SRRM2: variants seen among roughly 807,000 people sequenced by gnomAD.
SRRM2 encodes the protein serine/arginine repetitive matrix protein 2.
A neutral mutation model predicts 213.8 loss-of-function variants in SRRM2; 30 were observed. The ratio of observed to expected loss-of-function variants is 0.14; its 90% CI spans 0.10 to 0.19. SRRM2 has a LOEUF of 0.19. Ranked by LOEUF, SRRM2 falls within the 10% of genes least tolerant of loss-of-function variation. The pLI, the probability that SRRM2 is intolerant of heterozygous loss-of-function variation, is 1.00. For missense variants in SRRM2, 4,904 were observed against 3,647.0 expected, an observed-to-expected ratio of 1.34 and a Z score of -8.88; for synonymous variants, 2,025 against 1,377.7, an observed-to-expected ratio of 1.47 and a Z score of -10.40.
chr16:2,769,031 G>A lies in SRRM2; in HGVS notation c.7768G>A (p.Val2590Ile), dbSNP rs2150780525. 3 of 1,614,090 alleles carry A rather than the reference G, an allele frequency of 1.9e-6. No individual in the cohort carries two copies. Among genetic ancestry groups the A allele is most frequent in the South Asian group, 1.1e-5 (1 of 91,086 alleles). ...PSPTPAPKEA[V>I]REGRPPEPTP... ...CCCCACCCCAGCCCCAAAGGAGGCT[G>A]TTCGAGAGGGACGTCCTCCGGAGCC... The change falls in exon 12 of 15, where the codon GTT (valine) becomes ATT (isoleucine). Residue 2590 changes from valine to isoleucine, a missense_variant. Val to Ile is a conservative substitution (Grantham distance 29). Coordinates refer to ENST00000301740, the MANE Select transcript of SRRM2 (RefSeq NM_016333.4).
Position 2,771,236 on chromosome 16 carries a change from A to T in SRRM2, c.*369A>T, listed in dbSNP as rs1388728651. 2.9e-6 allele frequency: 2 copies of T among 700,468 alleles called. No homozygotes were observed. The highest frequency in any genetic ancestry group is 1.8e-5 in the African/African-American group (1 of 56,146). The allele number at this position is 700,468 out of a possible 1,614,324, so 43.4% of individuals were successfully genotyped here. A position where few individuals can be genotyped will look rare whatever the true frequency, so the allele number is the denominator to read the frequency against. ...GATGGTGGTTGGGACTGGAGGTTGT[A>T]TAAGGTGTTCTTGGAAGGAAGGGGC... On this transcript the variant is annotated 3_prime_UTR_variant, in exon 15 of 15. Coordinates refer to ENST00000301740, the MANE Select transcript of SRRM2 (RefSeq NM_016333.4).
At position 2,765,407 on chromosome 16, in the gene SRRM2, C is replaced by G. The variant is rs764747006; in HGVS notation, c.4879C>G (p.Pro1627Ala). The stretch of plus-strand genomic sequence containing the variant: ...TGATTCCTCTCCTGAACCTAAAGCT[C>G]CAGCCCCTCGGGCCCTTCCCAGACG... ...GSDSSPEPKA[P>A]APRALPRRSR... The change falls in exon 11 of 15, where the codon CCA (proline) becomes GCA (alanine). Residue 1627 changes from proline (P) to alanine (A), a missense_variant. Physicochemically the swap from Pro to Ala is conservative, Grantham distance 27. Coordinates refer to ENST00000301740, the MANE Select transcript of SRRM2 (RefSeq NM_016333.4). 1 of 1,614,058 alleles carries G rather than the reference C, an allele frequency of 6.2e-7. No homozygotes were observed. Among genetic ancestry groups the G allele is most frequent in the African/African-American group, 1.3e-5 (1 of 74,906 alleles).
Position 2,765,642 on chromosome 16 carries a change from G to C in SRRM2, c.5114G>C (p.Arg1705Pro). 6.2e-7 allele frequency: 1 copy of C among 1,614,060 alleles called. No individual in the cohort carries two copies. Among genetic ancestry groups the C allele is most frequent in the South Asian group, 1.1e-5 (1 of 91,070 alleles). ...CTAACAAGGAAGGCCAGACTGTCCC[G>C]TAGAAGCCGCTCTGCCTCATCCTCA... is the stretch of plus-strand genomic sequence containing the variant. The part of the protein sequence containing the change: ...PELTRKARLS[R>P]RSRSASSSPE... Residue 1705 changes from arginine (R) to proline (P), a missense_variant, in exon 11 of 15, where the codon CGT becomes CCT. Transcript: ENST00000301740.
chr16:2,758,758 C>A, intron 5 of SRRM2: 1 of 673,118 alleles, frequency 1.5e-6, no homozygotes, highest in African/African-American at 1.8e-5. Context: ...GATTGGCCAG[C>A]AGCATTTTGG....
Position 2,762,657 on chromosome 16 carries a change from G to A in SRRM2, c.2129G>A (p.Arg710His), listed in dbSNP as rs763628582. 1.7e-5 allele frequency: 27 copies of A among 1,614,024 alleles called. No individual in the cohort carries two copies. Among genetic ancestry groups the A allele is most frequent in the Admixed American group, 1.0e-4 (6 of 60,008 alleles). The change falls in exon 11 of 15, where the codon CGT becomes CAT. Residue 710 changes from arginine to histidine, a missense_variant. Transcript: ENST00000301740. Reference protein sequence around the residue: ...GRSRSRSLVRRGRSHSRTPQR... With the variant: ...GRSRSRSLVRHGRSHSRTPQR... Reference sequence around the variant, plus strand: ...TCCCGCAGTAGAAGCTTAGTTAGACGTGGAAGATCTCACTCTAGAACACCT... The same window carrying A: ...TCCCGCAGTAGAAGCTTAGTTAGACATGGAAGATCTCACTCTAGAACACCT...
chr16:2,753,705 C>G (rs2068030567), intron 1 of SRRM2: 1 of 152,312 alleles, frequency 6.6e-6, no homozygotes, highest in South Asian at 2.1e-4. Flanking sequence ...CACTCGGCTT[C>G]AGTTAGGACG....
chr16:2,769,341 A>G, intron 12 of SRRM2, 57 bp downstream of exon 12: 3 of 1,517,200 alleles, frequency 2.0e-6, no homozygotes, highest in Non-Finnish European at 2.6e-6. Context: ...TGTCCAGAGA[A>G]GGGGCCCTGG....
Position 2,762,984 on chromosome 16 carries a change from C to T in SRRM2, c.2456C>T (p.Ser819Phe), listed in dbSNP as rs1165826710. Residue 819 changes from serine (S) to phenylalanine (F), a missense_variant, in exon 11 of 15, where the codon TCT (serine) becomes TTT (phenylalanine). Coordinates refer to ENST00000301740, the MANE Select transcript of SRRM2 (RefSeq NM_016333.4). ...RTPPRRSRSS[S>F]SPPPKQKSKT... is the part of the protein sequence containing the mutation. ...CCACCCAGACGCAGTCGCTCCAGTT[C>T]TTCTCCGCCACCTAAACAGAAATCT... 1.8e-5 allele frequency: 29 copies of T among 1,614,004 alleles called. No individual in the cohort carries two copies. Among genetic ancestry groups the T allele is most frequent in the Non-Finnish European group, 2.5e-5 (29 of 1,180,028 alleles).
chr16:2,765,231 A>G lies in SRRM2; in HGVS notation c.4703A>G (p.Lys1568Arg). ...GACTCTTCTCCAGATTCTAAAGCCAAGACAAGAACCCCACTTCGGCAGAGG... is the reference window on the plus strand; with the variant it reads ...GACTCTTCTCCAGATTCTAAAGCCAGGACAAGAACCCCACTTCGGCAGAGG... The part of the protein sequence containing the change: ...ESDSSPDSKA[K>R]TRTPLRQRSR... The change falls in exon 11 of 15, where the codon AAG (lysine) becomes AGG (arginine). Residue 1568 changes from lysine to arginine, a missense_variant. Transcript: ENST00000301740. The G allele has an allele frequency of 6.2e-7, 1 of 1,614,100 alleles. No homozygotes were observed.
rs752717524 is a variant in SRRM2 at position 2,770,364 on chromosome 16, C to T, written c.8034C>T (p.Pro2678=). ...PPPGERRSRS[P]RKPIDSLRDS... is the part of the protein sequence containing the mutation. ...CTGTGTTCCCCAGGTCCCGCAGCCC[C>T]CGGAAGCCAATAGACTCCCTCAGGG... The change falls in exon 13 of 15, where the codon CCC becomes CCT. Residue 2678 remains proline, a synonymous_variant. Transcript: ENST00000301740. 6.2e-7 allele frequency: 1 copy of T among 1,601,574 alleles called. No individual in the cohort carries two copies. The highest frequency in any genetic ancestry group is 8.5e-7 in the Non-Finnish European group (1 of 1,174,116).
Position 2,764,813 on chromosome 16 carries a change from G to A in SRRM2, c.4285G>A (p.Asp1429Asn), listed in dbSNP as rs778833157. 1.2e-6 allele frequency: 2 copies of A among 1,614,188 alleles called. No individual in the cohort carries two copies. Among genetic ancestry groups the A allele is most frequent in the East Asian group, 4.5e-5 (2 of 44,884 alleles). Residue 1429 changes from aspartate (D) to asparagine (N), a missense_variant, in exon 11 of 15, where the codon GAT (aspartate) becomes AAT (asparagine). Coordinates refer to ENST00000301740, the MANE Select transcript of SRRM2 (RefSeq NM_016333.4). Reference protein sequence around the residue: ...SSSASSPEMKDGLPRTPSRRS... With the variant: ...SSSASSPEMKNGLPRTPSRRS... The stretch of plus-strand genomic sequence containing the variant: ...TTCTGCATCTTCTCCTGAAATGAAA[G>A]ATGGTTTACCCAGAACTCCATCAAG...
At chr16:2,759,965 C>A (rs960203183) in intron 9 of SRRM2, 1 of 532,820 alleles carries the variant, frequency 1.9e-6, no homozygotes, top group African/African-American at 1.9e-5. Flanking sequence ...CTTACCCTGG[C>A]TTCCTTAATC....
chr16:2,764,366 G>T lies in SRRM2; in HGVS notation c.3838G>T (p.Val1280Leu). 6.2e-7 allele frequency: 1 copy of T among 1,614,172 alleles called. No homozygotes were observed. Among genetic ancestry groups the T allele is most frequent in the East Asian group, 2.2e-5 (1 of 44,886 alleles). Residue 1280 changes from valine (V) to leucine (L), a missense_variant, in exon 11 of 15, where the codon GTG (valine) becomes TTG (leucine). Coordinates refer to ENST00000301740, the MANE Select transcript of SRRM2 (RefSeq NM_016333.4). ...SSPEVEERPA[V>L]SLTLDQSQSQ... ...TCCTGAAGTAGAAGAAAGGCCTGCT[G>T]TGTCTTTGACTCTTGATCAGAGCCA...
rs1567227439 is a variant in SRRM2 at position 2,761,841 on chromosome 16, C to T, written c.1313C>T (p.Pro438Leu). The T allele has an allele frequency of 3.7e-6, 6 of 1,613,418 alleles. No individual in the cohort carries two copies. Among genetic ancestry groups the T allele is most frequent in the Non-Finnish European group, 4.2e-6 (5 of 1,180,026 alleles). ...TKVSRHASSS[P>L]ESPKPAPAPG... ...GTTTCTCGGCATGCCAGCTCTTCCC[C>T]AGAAAGTCCTAAACCTGCTCCAGCT... The change falls in exon 11 of 15, where the codon CCA (proline) becomes CTA (leucine). Residue 438 changes from proline to leucine, a missense_variant. Pro to Leu is a moderately conservative substitution (Grantham distance 98). Transcript: ENST00000301740.
rs753511984 is a variant in SRRM2 at position 2,762,068 on chromosome 16, C to T, written c.1540C>T (p.Arg514Cys). 1.9e-5 allele frequency: 31 copies of T among 1,614,100 alleles called. No homozygotes were observed. Among genetic ancestry groups the T allele is most frequent in the Non-Finnish European group, 2.4e-5 (28 of 1,180,046 alleles). ...TTCTCGATCCCGATCTCCCCAGTGG[C>T]GTAGGTCCAGGTCTGCACAGAGGTG... ...GHSRSRSPQW[R>C]RSRSAQRWGR... Residue 514 changes from arginine to cysteine, a missense_variant, in exon 11 of 15, where the codon CGT becomes TGT. Transcript: ENST00000301740.
rs1207864788 is a variant in SRRM2, at chr16:2,762,189, C to A, written c.1661C>A (p.Ser554Tyr). Residue 554 changes from serine to tyrosine, a missense_variant, in exon 11 of 15, where the codon TCT becomes TAT. Transcript: ENST00000301740. The stretch of plus-strand genomic sequence containing the variant: ...AGAAATACCCAGAGAAGAGGCAGGT[C>A]TAGGTCAGCAAGGCGAGGGAGGTCC... ...RSRNTQRRGR[S>Y]RSARRGRSHS... The A allele has an allele frequency of 1.2e-6, 2 of 1,614,012 alleles. No homozygotes were observed. The highest frequency in any genetic ancestry group is 2.2e-5 in the South Asian group (2 of 91,080).
chr16:2,766,456 T>C lies in SRRM2; in HGVS notation c.5928T>C (p.Pro1976=). The change falls in exon 11 of 15, where the codon CCT becomes CCC. Residue 1976 remains proline, a synonymous_variant. Coordinates refer to ENST00000301740, the MANE Select transcript of SRRM2 (RefSeq NM_016333.4). This position sits in a 1 kb window ranked among gnomAD's most constrained non-coding sequence, Gnocchi z 7.0. Reference sequence around the variant, plus strand: ...GGCGATCTCGAAGCAGAACTTCGCCTATCACTCGCAGAAGATCAAGATCCA... The same window carrying C: ...GGCGATCTCGAAGCAGAACTTCGCCCATCACTCGCAGAAGATCAAGATCCA... The part of the protein sequence containing the change: ...TRRRSRSRTS[P]ITRRRSRSRT... 6.2e-7 allele frequency: 1 copy of C among 1,614,052 alleles called. No homozygotes were observed. The highest frequency in any genetic ancestry group is 8.5e-7 in the Non-Finnish European group (1 of 1,180,004).
chr16:2,766,363 C>T lies in SRRM2; in HGVS notation c.5835C>T (p.Arg1945=), dbSNP rs765842447. ...CTAGAACGCCAACAACACGCCGCCG[C>T]TCCCGTTCTAGAACTCCACCAGTGA... ...SRSRTPTTRR[R]SRSRTPPVTR... is the part of the protein sequence containing the mutation. Residue 1945 remains arginine (R), a synonymous_variant, in exon 11 of 15, where the codon CGC becomes CGT. Transcript: ENST00000301740. The surrounding 1 kb of genome is among the most constrained non-coding windows in gnomAD (Gnocchi z 7.0). 1.2e-5 allele frequency: 20 copies of T among 1,614,104 alleles called. No individual in the cohort carries two copies. In the East Asian group the frequency reaches 1.8e-4, roughly 14 times the overall value.
At position 2,758,544 on chromosome 16, in the gene SRRM2, G is replaced by C. The variant is rs767289765; in HGVS notation, c.590G>C (p.Gly197Ala). Residue 197 changes from glycine (G) to alanine (A), a missense_variant, in exon 5 of 15, where the codon GGA (glycine) becomes GCA (alanine). By Grantham distance (60) the Gly-to-Ala change is moderately conservative. Transcript: ENST00000301740. ...AAGAAGAAAAAGAAGAAAGATAGAG[G>C]ACGGTAAGTTAGTTGGAAAGTGACT... ...QKKKKKKKDR[G>A]RRSESSSPRR... 2 of 1,613,978 alleles carry C rather than the reference G, an allele frequency of 1.2e-6. No homozygotes were observed. The highest frequency in any genetic ancestry group is 4.5e-5 in the East Asian group (2 of 44,886).
Sources: allele counts gnomAD v4.1 joint callset, GRCh38; gene constraint gnomAD v4.1.1; non-coding constraint Gnocchi (gnomAD v3.1); transcripts MANE v1.5; gene names NCBI Gene and HGNC (gene_info 2026-07-23, HGNC 2026-07-21).